Variants in TRPC5 observed in about 807,000 individuals in gnomAD.
The protein encoded by TRPC5 is transient receptor potential cation channel subfamily C member 5.
Under a neutral mutation model 56.5 loss-of-function variants are expected in TRPC5, and 9 were observed. The observed-to-expected ratio is 0.16, with a 90% CI of 0.10 to 0.28. TRPC5 has a LOEUF of 0.28. TRPC5 is among the 10% of genes least tolerant of loss of function. The probability of loss-of-function intolerance (pLI) is 1.00; values close to 1 mark genes in which losing one functional copy is unlikely to be tolerated. For synonymous variants in TRPC5, 282 were observed against 278.5 expected (o/e 1.01, Z -0.13); for missense variants, 469 against 748.9 (o/e 0.63, Z 4.36).
chrX:111,886,520 G>A (rs1248143911), intron 3 of TRPC5, among the ~76,000 whole-genome samples: 1 of 111,420 alleles, frequency 9.0e-6, no homozygotes, highest in Non-Finnish European at 1.9e-5. Flanking sequence ...TGGGATATTT[G>A]TTGAGCCTTG....
At chrX:112,047,406 A>C (rs1330815349) in intron 1 of TRPC5, among the ~76,000 whole-genome samples, 2 of 111,483 alleles carry the variant, frequency 1.8e-5, no homozygotes, top group African/African-American at 6.5e-5. Context: ...GTAGGCCCTG[A>C]GAATATGCAT....
chrX:111,979,939 G>A (rs959874721), intron 1 of TRPC5, among the ~76,000 whole-genome samples: 1 of 111,558 alleles, frequency 9.0e-6, no homozygotes, highest in African/African-American at 3.2e-5. Flanking sequence ...AAGCATACAT[G>A]TACCGTATGA....
intron 3 of TRPC5, among the ~76,000 whole-genome samples, chrX:111,866,196 G>A (rs1289906871): frequency 8.8e-6 from 1 of 113,650 alleles, no homozygotes; most frequent in African/African-American, 3.2e-5. Flanking sequence ...TTGGCCTTGC[G>A]GCCAGTGATT....
At chrX:111,841,274 G>A (rs376078042) in intron 6 of TRPC5, among the ~76,000 whole-genome samples, 6 of 112,032 alleles carry the variant, frequency 5.4e-5, no homozygotes, top group Non-Finnish European at 9.4e-5. Context: ...TTCGCTTTTC[G>A]TGTGTTCATG....
intron 7 of TRPC5, among the ~76,000 whole-genome samples, chrX:111,825,399 G>A (rs375424488): frequency 2.8e-5 from 3 of 107,810 alleles, no homozygotes; most frequent in Non-Finnish European, 3.8e-5. Context: ...CTACAGGTAC[G>A]CACCACCATA....
intron 2 of TRPC5, among the ~76,000 whole-genome samples, chrX:111,935,518 G>A (rs1220472899): frequency 2.7e-5 from 3 of 111,853 alleles, no homozygotes; most frequent in Non-Finnish European, 3.8e-5. Flanking sequence ...CTGTGCTTGA[G>A]GGGTATTACT....
At chrX:111,966,588 C>T (rs1820190195) in intron 1 of TRPC5, among the ~76,000 whole-genome samples, 1 of 111,764 alleles carries the variant, frequency 8.9e-6, no homozygotes, top group Non-Finnish European at 1.9e-5. Context: ...CAATAAAATA[C>T]TGGCAAACCG....
At chrX:111,840,125 G>A (rs923257798) in intron 6 of TRPC5, among the ~76,000 whole-genome samples, 6 of 112,477 alleles carry the variant, frequency 5.3e-5, no homozygotes, top group East Asian at 2.8e-4. Flanking sequence ...AGCCGAGATC[G>A]TGCCACTGCA....
At chrX:111,881,700 C>T (rs143490335) in intron 3 of TRPC5, among the ~76,000 whole-genome samples, 323 of 108,203 alleles carry the variant, frequency 3.0e-3, no homozygotes, top group African/African-American at 0.01. Context: ...TGTTTCCTGT[C>T]GCAGTGTGGT....
At chrX:111,849,651 T>C (rs1923027673) in intron 5 of TRPC5, among the ~76,000 whole-genome samples, 1 of 112,566 alleles carries the variant, frequency 8.9e-6, no homozygotes, top group Admixed American at 9.4e-5. Flanking sequence ...AGACTCATTC[T>C]TCAAGCCAAA....
chrX:111,779,669 T>A (rs1175821274), intron 9 of TRPC5, among the ~76,000 whole-genome samples: 1 of 112,260 alleles, frequency 8.9e-6, no homozygotes, highest in Admixed American at 9.5e-5. Context: ...ATAATACATA[T>A]GATACATACT....
intron 2 of TRPC5, among the ~76,000 whole-genome samples, chrX:111,918,786 A>C (rs1926045280): frequency 9.0e-6 from 1 of 111,420 alleles, no homozygotes; most frequent in South Asian, 3.8e-4. Context: ...GGGTGCTAGT[A>C]GATATGATGT....
chrX:111,806,042 T>TA (rs1308018797), intron 7 of TRPC5, among the ~76,000 whole-genome samples: 2 of 2,742 alleles, frequency 7.3e-4, no homozygotes, highest in African/African-American at 1.2e-3. Flanking sequence ...ACAAAAGCAT[T>TA]TAAAAAATGT....
At chrX:112,005,795 A>C (rs1412751491) in intron 1 of TRPC5, among the ~76,000 whole-genome samples, 1 of 111,764 alleles carries the variant, frequency 8.9e-6, no homozygotes, top group African/African-American at 3.3e-5. Flanking sequence ...GAATTACTTC[A>C]GCAGCTCAGG....
intron 1 of TRPC5, among the ~76,000 whole-genome samples, chrX:112,052,230 C>A (rs916936209): frequency 9.0e-6 from 1 of 111,460 alleles, no homozygotes; most frequent in Non-Finnish European, 1.9e-5. Context: ...CACCACTTTA[C>A]GTTCCCATCA....
At chrX:111,827,121 T>C (rs1922262507) in intron 7 of TRPC5, among the ~76,000 whole-genome samples, 1 of 111,621 alleles carries the variant, frequency 9.0e-6, no homozygotes. Flanking sequence ...TTGGGAATAA[T>C]ATAGTATTAT....
chrX:112,048,127 G>T (rs748330772), intron 1 of TRPC5, among the ~76,000 whole-genome samples: 2 of 111,796 alleles, frequency 1.8e-5, no homozygotes, highest in Non-Finnish European at 3.8e-5. Flanking sequence ...TAGGTGTTTG[G>T]TTAAAAAAAA....
chrX:111,905,632 C>T (rs748265562), intron 3 of TRPC5, among the ~76,000 whole-genome samples: 9 of 111,606 alleles, frequency 8.1e-5, no homozygotes, highest in South Asian at 3.8e-4. Context: ...ATGCTGAAGG[C>T]GGCCGGACGC....
chrX:112,033,847 C>T (rs1016985553), intron 1 of TRPC5, among the ~76,000 whole-genome samples: 4 of 111,521 alleles, frequency 3.6e-5, no homozygotes, highest in African/African-American at 6.5e-5. Context: ...AGGAAAATTG[C>T]TTGAGCCCAC....
Sources: gnomAD v4.1 joint callset for allele counts (sites outside exome capture counted in the v4.1 genomes callset) on GRCh38, gnomAD v4.1.1 for gene constraint, MANE v1.5 for transcripts, NCBI Gene and HGNC (gene_info 2026-07-23, HGNC 2026-07-21) for gene names.